BBX: variants seen among roughly 807,000 people sequenced by gnomAD.
The protein encoded by BBX is BBX high mobility group box domain containing.
In BBX, 30 loss-of-function variants were observed where a neutral mutation model predicts 100.2. The ratio of observed to expected loss-of-function variants is 0.30; its 90% confidence interval spans 0.22 to 0.41. The LOEUF (loss-of-function observed/expected upper bound fraction) is 0.41, where lower values mean the gene tolerates loss of function less well. Ranked by LOEUF, BBX falls within the 10% of genes least tolerant of loss-of-function variation. BBX has a pLI of 1.00. For synonymous variants in BBX, 376 were observed against 388.1 expected (o/e 0.97, Z 0.37); for missense variants, 1,023 against 1,129.8 (o/e 0.91, Z 1.35).
chr3:107,653,796 G>A (rs1322966630), intron 3 of BBX, among the ~76,000 whole-genome samples: 1 of 152,176 alleles, frequency 6.6e-6, no homozygotes, highest in African/African-American at 2.4e-5. Context: ...AGATGTGGAG[G>A]AACTGGCTTC....
chr3:107,725,025 T>A (rs904836867), intron 5 of BBX, among the ~76,000 whole-genome samples: 3 of 152,212 alleles, frequency 2.0e-5, no homozygotes, highest in African/African-American at 7.2e-5. Flanking sequence ...CGATATTGAT[T>A]ATTCCTACCC....
intron 6 of BBX, among the ~76,000 whole-genome samples, chr3:107,729,561 A>C (rs2063178304): frequency 6.6e-6 from 1 of 152,306 alleles, no homozygotes; most frequent in East Asian, 1.9e-4. Context: ...AAGGTATGCT[A>C]AATCATTTAT....
At chr3:107,729,447 C>A (rs2063173073) in intron 6 of BBX, among the ~76,000 whole-genome samples, 1 of 152,130 alleles carries the variant, frequency 6.6e-6, no homozygotes, top group Non-Finnish European at 1.5e-5. Flanking sequence ...AGAGAATTCC[C>A]ATCCTGTCTG....
At chr3:107,600,699 G>C (rs2054000533) in intron 2 of BBX, among the ~76,000 whole-genome samples, 1 of 152,040 alleles carries the variant, frequency 6.6e-6, no homozygotes, top group Non-Finnish European at 1.5e-5. Context: ...TTGTAAACAG[G>C]AGTTAATCTT....
intron 2 of BBX, among the ~76,000 whole-genome samples, chr3:107,569,042 T>C (rs1453195382): frequency 6.6e-6 from 1 of 152,262 alleles, no homozygotes; most frequent in East Asian, 1.9e-4. Flanking sequence ...AAAAATGTTA[T>C]ACTGCCTATA....
In BBX at chr3:107,806,925, T is replaced by C. The variant is rs1375898490; in HGVS notation, c.*1468T>C. 6.6e-6 allele frequency: 1 copy of C among 152,220 alleles called. No homozygotes were observed. The highest frequency in any genetic ancestry group is 1.5e-5 in the Non-Finnish European group (1 of 68,036). The allele number at this position is 152,220 out of a possible 1,614,324, so 9.4% of individuals were successfully genotyped here. Reference sequence around the variant, plus strand: ...TTTAATGGTTTTCAAACTGGCGGAATTTTGACAGTGCTAGTTCGAGTTTGA... The same window carrying C: ...TTTAATGGTTTTCAAACTGGCGGAACTTTGACAGTGCTAGTTCGAGTTTGA... On this transcript the variant is annotated 3_prime_UTR_variant, in exon 18 of 18. Coordinates refer to ENST00000325805, the MANE Select transcript of BBX (RefSeq NM_001142568.3).
At chr3:107,669,904 C>G (rs2058935807) in intron 3 of BBX, among the ~76,000 whole-genome samples, 1 of 152,068 alleles carries the variant, frequency 6.6e-6, no homozygotes, top group African/African-American at 2.4e-5. Flanking sequence ...TTTTAACACC[C>G]CTGCTCTGAC....
rs1265533064 is a variant in BBX, at chr3:107,773,459, A to G, written c.1738A>G (p.Met580Val). The G allele has an allele frequency of 1.2e-6, 2 of 1,614,102 alleles. No homozygotes were observed. The highest frequency in any genetic ancestry group is 2.2e-5 in the East Asian group (1 of 44,870). Residue 580 changes from methionine to valine, a missense_variant, in exon 11 of 18, where the codon ATG becomes GTG. Coordinates refer to ENST00000325805, the MANE Select transcript of BBX (RefSeq NM_001142568.3). This position sits in a 1 kb window ranked among gnomAD's most constrained non-coding sequence, Gnocchi z 4.1. ...TATAAAAGCAGAACCATTGACCCCTATGGAAGATGCACTACCACCCAGCCT... is the reference window on the plus strand; with the variant it reads ...TATAAAAGCAGAACCATTGACCCCTGTGGAAGATGCACTACCACCCAGCCT... ...EGIKAEPLTP[M>V]EDALPPSLSG...
At chr3:107,653,190 A>G (rs923283418) in intron 3 of BBX, among the ~76,000 whole-genome samples, 7 of 152,180 alleles carry the variant, frequency 4.6e-5, no homozygotes, top group African/African-American at 1.2e-4. Context: ...TATAATCAAT[A>G]AATATTAGTG....
chr3:107,689,070 G>A (rs1007531844), intron 3 of BBX, among the ~76,000 whole-genome samples: 2 of 152,154 alleles, frequency 1.3e-5, no homozygotes, highest in Non-Finnish European at 2.9e-5. Flanking sequence ...GAATCAGGGC[G>A]ATCAAGTATA....
chr3:107,603,705 C>T (rs1476398972), intron 2 of BBX, among the ~76,000 whole-genome samples: 3 of 152,074 alleles, frequency 2.0e-5, no homozygotes, highest in Non-Finnish European at 4.4e-5. Context: ...TAAGAAATTG[C>T]TACAGCCATC....
At chr3:107,542,873 C>T (rs1445643981) in intron 2 of BBX, among the ~76,000 whole-genome samples, 2 of 152,146 alleles carry the variant, frequency 1.3e-5, no homozygotes, top group Non-Finnish European at 2.9e-5. Context: ...AGTCTAGGCT[C>T]CCACTGAATT....
chr3:107,610,622 T>C (rs2054776513), intron 2 of BBX, among the ~76,000 whole-genome samples: 2 of 152,148 alleles, frequency 1.3e-5, no homozygotes, highest in Non-Finnish European at 2.9e-5. Context: ...TCTTCTAGTT[T>C]TGGTCTTGAA....
At chr3:107,676,587 G>A (rs573985614) in intron 3 of BBX, among the ~76,000 whole-genome samples, 35 of 152,274 alleles carry the variant, frequency 2.3e-4, no homozygotes, top group African/African-American at 7.7e-4. Flanking sequence ...CATCTGAAGT[G>A]AATGATAAAA....
chr3:107,751,450 C>A (rs554047904), intron 9 of BBX, among the ~76,000 whole-genome samples: 1 of 152,098 alleles, frequency 6.6e-6, no homozygotes, highest in African/African-American at 2.4e-5. Context: ...GGTCATTTAT[C>A]GTGTAAAATA....
chr3:107,736,099 A>G (rs1320042561), intron 7 of BBX, among the ~76,000 whole-genome samples: 1 of 152,048 alleles, frequency 6.6e-6, no homozygotes. Flanking sequence ...TTGATTGAGG[A>G]AGCAAAATCG....
At chr3:107,659,064 G>A (rs1397720457) in intron 3 of BBX, among the ~76,000 whole-genome samples, 1 of 151,756 alleles carries the variant, frequency 6.6e-6, no homozygotes, top group East Asian at 1.9e-4. Flanking sequence ...CTTTCCATTT[G>A]TTTAAATAAA....
At position 107,523,004 on chromosome 3, in the gene BBX, G is replaced by A. The variant is rs960817335; in HGVS notation, c.-259G>A. On this transcript the variant is annotated 5_prime_UTR_variant, in exon 1 of 18. Coordinates refer to ENST00000325805, the MANE Select transcript of BBX (RefSeq NM_001142568.3). ...TGGAGCAGTGTACAGTGAAGCGGAG[G>A]CAGAGCGGCTCCGCGAGCTTCTCTC... 2.6e-5 allele frequency: 4 copies of A among 153,136 alleles called. No homozygotes were observed. The highest frequency in any genetic ancestry group is 5.8e-5 in the Non-Finnish European group (4 of 68,584). 9.5% of individuals were successfully genotyped at this position (153,136 alleles called of 1,614,324 possible).
chr3:107,799,569 ATC>A (rs1384787996), intron 16 of BBX, among the ~76,000 whole-genome samples: 70 of 152,232 alleles, frequency 4.6e-4, no homozygotes, highest in African/African-American at 1.5e-3. Flanking sequence ...TACTAGATGA[ATC>A]AGTATTTGAC....
Sources: allele counts gnomAD v4.1 joint callset (sites outside exome capture counted in the v4.1 genomes callset), GRCh38; gene constraint gnomAD v4.1.1; non-coding constraint Gnocchi (gnomAD v3.1); transcripts MANE v1.5; gene names NCBI Gene and HGNC (gene_info 2026-07-23, HGNC 2026-07-21).